Variants in RSF1 observed in about 807,000 individuals in gnomAD.
RSF1 encodes the protein HBV pX-associated protein 8.
RSF1 carries 13 observed loss-of-function variants against 145.2 expected under a neutral mutation model. That is an observed-to-expected ratio of 0.09 (90% CI 0.06 to 0.14). The LOEUF is 0.14. Ranked by LOEUF, RSF1 falls within the 10% of genes least tolerant of loss-of-function variation. The pLI is 1.00. For synonymous variants in RSF1, 577 were observed against 592.6 expected (o/e 0.97, Z 0.38); for missense variants, 1,517 against 1,718.2 (o/e 0.88, Z 2.07).
chr11:77,775,659 G>A (rs1313560795), intron 1 of RSF1, among the ~76,000 whole-genome samples: 2 of 152,228 alleles, frequency 1.3e-5, no homozygotes, highest in African/African-American at 2.4e-5. Context: ...GCAGGGCCAG[G>A]TCCGGTGGTT....
chr11:77,674,870 A>G (rs984636924), intron 14 of RSF1, among the ~76,000 whole-genome samples, 166 bp downstream of exon 14: 13 of 152,290 alleles, frequency 8.5e-5, no homozygotes, highest in Middle Eastern at 3.4e-3. Flanking sequence ...ATGGTGGCAC[A>G]TGCCTGTAAT....
At chr11:77,852,801 T>C in the RSF1 span, among the ~76,000 whole-genome samples, 7 of 152,198 alleles carry the variant, frequency 4.6e-5, no homozygotes, top group African/African-American at 1.7e-4. Flanking sequence ...AAAGGTAGCA[T>C]GCCTTACTTC....
chr11:77,825,878 G>A, the RSF1 span, among the ~76,000 whole-genome samples: 8 of 152,116 alleles, frequency 5.3e-5, no homozygotes, highest in East Asian at 1.4e-3. Flanking sequence ...TTTTTGTAGA[G>A]ATGGGGTTTC....
upstream of RSF1, chr11:77,820,775 G>T (rs1948866445): frequency 1.3e-6 from 2 of 1,486,840 alleles, no homozygotes; most frequent in African/African-American, 2.8e-5. Context: ...GGTGCCGAGG[G>T]ATGGCAAGGC....
At chr11:77,826,101 C>A in the RSF1 span, among the ~76,000 whole-genome samples, 1 of 152,014 alleles carries the variant, frequency 6.6e-6, no homozygotes, top group East Asian at 1.9e-4. Context: ...GAGCGGGTAG[C>A]CAGAAGCAGT....
intron 2 of RSF1, among the ~76,000 whole-genome samples, chr11:77,747,889 T>C (rs1159311612): frequency 6.6e-6 from 1 of 152,120 alleles, no homozygotes; most frequent in Non-Finnish European, 1.5e-5. Flanking sequence ...TTAATAATAT[T>C]ATCTTAAAGG....
upstream of RSF1, among the ~76,000 whole-genome samples, chr11:77,824,291 T>A (rs1015256697): frequency 2.0e-5 from 3 of 152,088 alleles, no homozygotes; most frequent in Admixed American, 2.0e-4. Flanking sequence ...CAAAAAAGAG[T>A]AGCTATTTTT....
In RSF1 at chr11:77,701,366, G is replaced by A. The variant is rs781253821; in HGVS notation, c.1863C>T (p.Gly621=). Residue 621 remains glycine (G), a synonymous_variant, in exon 6 of 16, where the codon GGC becomes GGT. Coordinates refer to ENST00000308488, the MANE Select transcript of RSF1 (RefSeq NM_016578.4). ...PKSTLESEKP[G]SPEAAETSPP... ...GAGAAGTTTCAGCTGCCTCAGGAGA[G>A]CCAGGCTTTTCTGACTCTAGAGTAC... 5.0e-6 allele frequency: 8 copies of A among 1,613,856 alleles called. No individual in the cohort carries two copies. The Admixed American group carries it at 5.0e-5, about 10-fold the overall frequency.
intron 5 of RSF1, chr11:77,702,723 G>A (rs1474760280): frequency 2.9e-6 from 1 of 342,228 alleles, no homozygotes; most frequent in African/African-American, 2.1e-5. Context: ...TTAGGTTTCT[G>A]CTTTTTACTT....
chr11:77,820,887 C>A, upstream of RSF1: 1 of 667,374 alleles, frequency 1.5e-6, no homozygotes, highest in East Asian at 2.9e-5. Context: ...CGGCCCGGAG[C>A]AGTCGAGAAC....
intron 5 of RSF1, among the ~76,000 whole-genome samples, chr11:77,711,133 A>G (rs1960672304): frequency 7.4e-6 from 1 of 135,494 alleles, no homozygotes; most frequent in African/African-American, 2.9e-5. Flanking sequence ...ACCCCCACAC[A>G]TTTTTAACTT....
the RSF1 span, among the ~76,000 whole-genome samples, chr11:77,839,981 T>C: frequency 6.6e-6 from 1 of 152,112 alleles, no homozygotes; most frequent in South Asian, 2.1e-4. Context: ...GTAAAAAAGA[T>C]GTTACATGCA....
chr11:77,671,167 A>ATATT (rs1959534049), intron 15 of RSF1, among the ~76,000 whole-genome samples: 1 of 99,562 alleles, frequency 1.0e-5, no homozygotes, highest in African/African-American at 4.3e-5. Context: ...ATATATATAT[A>ATATT]TATATATATA....
chr11:77,741,290 C>G (rs937368139), intron 3 of RSF1, among the ~76,000 whole-genome samples: 3 of 152,160 alleles, frequency 2.0e-5, no homozygotes, highest in African/African-American at 7.2e-5. Flanking sequence ...CACCTGTAAT[C>G]CCAGCACTTT....
chr11:77,690,355 G>GT (rs904851613), intron 9 of RSF1, among the ~76,000 whole-genome samples: 4 of 152,020 alleles, frequency 2.6e-5, no homozygotes, highest in South Asian at 2.1e-4. Flanking sequence ...AGTTCTTATA[G>GT]TTTTTTTGTA....
intron 13 of RSF1, 75 bp downstream of exon 13, chr11:77,676,717 G>C (rs1282244450): frequency 7.8e-7 from 1 of 1,289,762 alleles, no homozygotes; most frequent in Non-Finnish European, 1.1e-6. Flanking sequence ...ATCACAGCAT[G>C]GGCAAGCCTC....
intron 5 of RSF1, 108 bp from the exon 6 acceptor site, chr11:77,702,603 G>A (rs1960454079): frequency 1.6e-6 from 1 of 643,404 alleles, no homozygotes; most frequent in African/African-American, 1.9e-5. Flanking sequence ...TTTAAAAGAG[G>A]TGGCCTCTGT....
At chr11:77,688,764 CAAAA>C (rs1311083206) in intron 9 of RSF1, among the ~76,000 whole-genome samples, 1 of 152,018 alleles carries the variant, frequency 6.6e-6, no homozygotes, top group Admixed American at 6.5e-5. Context: ...TGTGTTCAAA[CAAAA>C]GAAAGAAAGA....
At chr11:77,690,294 A>C (rs532583357) in intron 9 of RSF1, among the ~76,000 whole-genome samples, 2 of 152,218 alleles carry the variant, frequency 1.3e-5, no homozygotes, top group East Asian at 3.9e-4. Context: ...TTATTTCACC[A>C]ATGTTAGCTG....
Sources: allele counts gnomAD v4.1 joint callset (sites outside exome capture counted in the v4.1 genomes callset), GRCh38; gene constraint gnomAD v4.1.1; transcripts MANE v1.5; gene names NCBI Gene and HGNC (gene_info 2026-07-23, HGNC 2026-07-21).